Variants in PAICS observed in about 807,000 individuals in gnomAD.
PAICS encodes bifunctional phosphoribosylaminoimidazole carboxylase/phosphoribosylaminoimidazole succinocarboxamide synthetase.
A neutral mutation model predicts 53.7 loss-of-function variants in PAICS; 33 were observed. That is an observed-to-expected ratio of 0.61 (90% confidence interval 0.47 to 0.82). PAICS has a LOEUF of 0.82. Among genes scored for constraint, PAICS ranks in the 40% least tolerant of loss-of-function variants. The pLI, the probability that PAICS is intolerant of heterozygous loss-of-function variation, is 0.00. For synonymous variants in PAICS, 141 were observed against 167.2 expected (o/e 0.84, Z 1.21); for missense variants, 394 against 494.1 (o/e 0.80, Z 1.92).
the PAICS span, chr4:56,419,920 T>C: frequency 1.0e-6 from 1 of 984,402 alleles, no homozygotes; most frequent in Non-Finnish European, 1.2e-6. Flanking sequence ...ACTAAGAGTA[T>C]GAAATTTTTT....
At chr4:56,431,822 C>G (rs571869586), upstream of PAICS, among the ~76,000 whole-genome samples, 2 of 152,246 alleles carry the variant, frequency 1.3e-5, no homozygotes, top group African/African-American at 4.8e-5. Flanking sequence ...CTGGTTTGTT[C>G]AGAACTCCGC....
At chr4:56,431,757 C>T (rs578094179), upstream of PAICS, among the ~76,000 whole-genome samples, 139 of 152,276 alleles carry the variant, frequency 9.1e-4, 1 homozygote, top group African/African-American at 3.3e-3. Flanking sequence ...ATTCTAGTCT[C>T]CATAAAATGT....
At chr4:56,414,222 G>A in the PAICS span, 2 of 152,268 alleles carry the variant, frequency 1.3e-5, no homozygotes, top group Non-Finnish European at 2.9e-5. Flanking sequence ...TTCCTATGGC[G>A]GAACCAGCAG....
upstream of PAICS, chr4:56,435,669 C>T (rs1717874305): frequency 7.0e-7 from 1 of 1,438,662 alleles, no homozygotes. Flanking sequence ...CTGCTCCTCC[C>T]CCTCCGAGTC....
intron 6 of PAICS, 138 bp downstream of exon 6, chr4:56,450,840 C>T (rs1448114826): frequency 1.7e-5 from 10 of 594,766 alleles, no homozygotes; most frequent in East Asian, 3.0e-5. Context: ...TTTTTTGAGA[C>T]GGAGTCTTGC....
chr4:56,436,155 C>CT, upstream of PAICS: 1 of 1,493,218 alleles, frequency 6.7e-7, no homozygotes, highest in East Asian at 2.5e-5. Flanking sequence ...GCCCATACCC[C>CT]TCCGGGTTAG....
chr4:56,459,312 G>C (rs1719380204), intron 8 of PAICS, 60 bp from the exon 9 acceptor site: 9 of 1,244,138 alleles, frequency 7.2e-6, no homozygotes, highest in Non-Finnish European at 9.8e-6. Flanking sequence ...TTTTTTGTAA[G>C]GTTGTATTTT....
chr4:56,420,583 G>A, the PAICS span: 1 of 152,158 alleles, frequency 6.6e-6, no homozygotes, highest in Non-Finnish European at 1.5e-5. Context: ...ATACAAAAAG[G>A]AGGAAATAAA....
chr4:56,436,103 C>T (rs1221678328), upstream of PAICS: 5 of 1,479,282 alleles, frequency 3.4e-6, no homozygotes, highest in South Asian at 2.7e-5. Context: ...GGCGGGAAGC[C>T]AGTGGGGCGT....
intron 8 of PAICS, among the ~76,000 whole-genome samples, chr4:56,457,667 T>G (rs1039111891): frequency 1.7e-4 from 25 of 150,680 alleles, no homozygotes; most frequent in Middle Eastern, 6.8e-3. Context: ...ATTAAGTTTT[T>G]TTTTTTTTTT....
intron 2 of PAICS, among the ~76,000 whole-genome samples, chr4:56,445,957 A>G (rs1163104590): frequency 2.0e-5 from 3 of 152,170 alleles, no homozygotes; most frequent in African/African-American, 7.2e-5. Flanking sequence ...GGTAGGTTGG[A>G]AATCCTGCTA....
Position 56,461,611 on chromosome 4 carries a change from ACTC to A in PAICS, c.*2076_*2078del, listed in dbSNP as rs1432503550. On this transcript the variant is annotated 3_prime_UTR_variant, in exon 9 of 9. Transcript: ENST00000512576. ...TGATTATGGCTCCCTGCAGCCTTGA[ACTC>A]CTGGACTCAAGCTGCAGCCTCTCGA... The A allele has an allele frequency of 6.6e-6, 1 of 151,246 alleles. No individual in the cohort carries two copies. Among genetic ancestry groups the A allele is most frequent in the Non-Finnish European group, 1.5e-5 (1 of 67,810 alleles). 9.4% of individuals were successfully genotyped at this position (151,246 alleles called of 1,614,324 possible). A position where few individuals can be genotyped will look rare whatever the true frequency, so the allele number is the denominator to read the frequency against.
the PAICS span, chr4:56,410,904 A>T: frequency 1.9e-4 from 30 of 161,214 alleles, no homozygotes; most frequent in Non-Finnish European, 2.5e-4. Context: ...GAAGGTAAAA[A>T]AAAAAAAAAA....
Position 56,451,987 on chromosome 4 carries a change from A to T in PAICS, c.887A>T (p.Glu296Val). Residue 296 changes from glutamate to valine, a missense_variant, in exon 7 of 9, where the codon GAA becomes GTA. Glu to Val is a moderately radical substitution (Grantham distance 121). Around this residue, in one of 3 missense-constraint regions of PAICS, gnomAD observed 131 missense variants for 205.5 expected, o/e 0.64. Transcript: ENST00000512576. The stretch of plus-strand genomic sequence containing the variant: ...TGTGGAAATTTTGGCATTCCATGTG[A>T]ACTTCGAGTAACATCTGCGCATAAA... ...KACGNFGIPC[E>V]LRVTSAHKGP... 6.2e-7 allele frequency: 1 copy of T among 1,608,942 alleles called. No individual in the cohort carries two copies. The highest frequency in any genetic ancestry group is 2.2e-5 in the East Asian group (1 of 44,848).
At chr4:56,456,517 G>A (rs1444867345) in intron 8 of PAICS, among the ~76,000 whole-genome samples, 4 of 151,938 alleles carry the variant, frequency 2.6e-5, no homozygotes, top group African/African-American at 9.7e-5. Context: ...CATGTGATCC[G>A]CCCACCTCAA....
the PAICS span, among the ~76,000 whole-genome samples, chr4:56,417,195 C>T: frequency 1.3e-5 from 2 of 151,694 alleles, no homozygotes; most frequent in African/African-American, 4.8e-5. Context: ...TTACTTCTAA[C>T]TTACATAATA....
chr4:56,438,371 T>TTATTTATATATATA (rs1553941190), intron 1 of PAICS, among the ~76,000 whole-genome samples: 1 of 113,636 alleles, frequency 8.8e-6, no homozygotes, highest in Non-Finnish European at 1.9e-5. Flanking sequence ...TGCAATGTGT[T>TTATTTATATATATA]TATATATATA....
At chr4:56,438,371 T>TTATTTATATA (rs1553941190) in intron 1 of PAICS, among the ~76,000 whole-genome samples, 1 of 113,636 alleles carries the variant, frequency 8.8e-6, no homozygotes, top group Non-Finnish European at 1.9e-5. Flanking sequence ...TGCAATGTGT[T>TTATTTATATA]TATATATATA....
Position 56,459,737 on chromosome 4 carries a change from T to C in PAICS, c.*199T>C, listed in dbSNP as rs2110102666. 4.1e-6 allele frequency: 2 copies of C among 483,050 alleles called. No individual in the cohort carries two copies. Among genetic ancestry groups the C allele is most frequent in the South Asian group, 3.4e-5 (1 of 29,652 alleles). 29.9% of individuals were successfully genotyped at this position (483,050 alleles called of 1,614,324 possible). The stretch of plus-strand genomic sequence containing the variant: ...TTCTTAGGCTAGACACCAAGATATT[T>C]CAGCCAGCCTTTATCATTCCTCTTA... On this transcript the variant is annotated 3_prime_UTR_variant, in exon 9 of 9. Transcript: ENST00000512576.
Sources: allele counts gnomAD v4.1 joint callset (sites outside exome capture counted in the v4.1 genomes callset), GRCh38; gene constraint gnomAD v4.1.1; regional missense constraint gnomAD v4.1.1; transcripts MANE v1.5; gene names NCBI Gene and HGNC (gene_info 2026-07-23, HGNC 2026-07-21).